Variants in CCSER1 observed in about 807,000 individuals in gnomAD.
The protein encoded by CCSER1 is serine-rich coiled-coil domain-containing protein 1.
In CCSER1, 41 loss-of-function variants were observed where a neutral mutation model predicts 82.0. That is an observed-to-expected ratio of 0.50 (90% CI 0.39 to 0.65). CCSER1 has a LOEUF of 0.65. CCSER1 is among the 30% of genes least tolerant of loss of function. The probability of loss-of-function intolerance (pLI) is 0.00; values close to 1 mark genes in which losing one functional copy is unlikely to be tolerated. For missense variants in CCSER1, 1,119 were observed against 1,064.2 expected (o/e 1.05, Z -0.72); for synonymous variants, 414 against 383.9 (o/e 1.08, Z -0.92).
intron 9 of CCSER1, among the ~76,000 whole-genome samples, chr4:91,039,200 C>T (rs545621571): frequency 8.1e-6 from 1 of 123,098 alleles, no homozygotes; most frequent in East Asian, 3.2e-4. Context: ...CTTTTTCTTT[C>T]TTTCTTTCTT....
intron 10 of CCSER1, among the ~76,000 whole-genome samples, chr4:91,289,656 A>G (rs1204611942): frequency 1.3e-5 from 2 of 151,788 alleles, no homozygotes; most frequent in African/African-American, 4.9e-5. Flanking sequence ...AAATTGCCCA[A>G]CTGAAACACA....
At chr4:90,352,323 CA>C (rs1743610337) in intron 3 of CCSER1, among the ~76,000 whole-genome samples, 1 of 150,322 alleles carries the variant, frequency 6.7e-6, no homozygotes, top group Non-Finnish European at 1.5e-5. Context: ...GACTCTGTCT[CA>C]AAAAAATCAA....
intron 6 of CCSER1, among the ~76,000 whole-genome samples, chr4:90,690,424 G>T (rs1735611883): frequency 1.3e-5 from 2 of 152,018 alleles, no homozygotes; most frequent in Non-Finnish European, 2.9e-5. Context: ...TTAGAGAAAG[G>T]TTTCTCTTAC....
chr4:91,324,634 T>C (rs1341758045), intron 10 of CCSER1, among the ~76,000 whole-genome samples: 1 of 152,174 alleles, frequency 6.6e-6, no homozygotes, highest in Non-Finnish European at 1.5e-5. Context: ...AGTGATGTCT[T>C]TGGCTCTGAG....
chr4:91,576,175 TTATC>T (rs1179548708), intron 10 of CCSER1, among the ~76,000 whole-genome samples: 2 of 151,986 alleles, frequency 1.3e-5, no homozygotes, highest in Non-Finnish European at 2.9e-5. Context: ...TATCTGTCAA[TTATC>T]TATGTCTAAA....
At chr4:91,404,826 A>G (rs1752587088) in intron 10 of CCSER1, among the ~76,000 whole-genome samples, 1 of 152,136 alleles carries the variant, frequency 6.6e-6, no homozygotes, top group African/African-American at 2.4e-5. Flanking sequence ...TATGTGGTCA[A>G]TTTTGGAATA....
intron 8 of CCSER1, among the ~76,000 whole-genome samples, chr4:90,917,057 A>G (rs1456164607): frequency 3.3e-5 from 5 of 152,168 alleles, no homozygotes; most frequent in Non-Finnish European, 7.4e-5. Flanking sequence ...ACACTTTTAC[A>G]CTGTTGGTGG....
At chr4:90,333,149 A>G (rs1045953643) in intron 3 of CCSER1, among the ~76,000 whole-genome samples, 2 of 152,156 alleles carry the variant, frequency 1.3e-5, no homozygotes, top group Non-Finnish European at 2.9e-5. Flanking sequence ...GGGGTGCAAA[A>G]TGTCAATTTA....
intron 10 of CCSER1, among the ~76,000 whole-genome samples, chr4:91,412,680 T>C (rs937775029): frequency 6.6e-6 from 1 of 152,058 alleles, no homozygotes; most frequent in Admixed American, 6.6e-5. Flanking sequence ...CAATTATCTT[T>C]TAAGCAACTT....
intron 7 of CCSER1, among the ~76,000 whole-genome samples, chr4:90,766,771 C>T (rs886266180): frequency 6.6e-6 from 1 of 152,002 alleles, no homozygotes. Context: ...TCTCTATATT[C>T]ACACATTTTG....
intron 10 of CCSER1, among the ~76,000 whole-genome samples, chr4:91,531,642 A>G (rs1761035153): frequency 6.6e-6 from 1 of 152,306 alleles, no homozygotes; most frequent in South Asian, 2.1e-4. Flanking sequence ...AGTAGAATTC[A>G]TTGCTCACAG....
intron 9 of CCSER1, among the ~76,000 whole-genome samples, chr4:91,052,652 A>G (rs916007094): frequency 6.6e-6 from 1 of 152,154 alleles, no homozygotes; most frequent in Non-Finnish European, 1.5e-5. Context: ...ACTGTTTCAC[A>G]TAAACCTGTA....
chr4:91,346,040 T>C (rs568358037), intron 10 of CCSER1, among the ~76,000 whole-genome samples: 1 of 152,190 alleles, frequency 6.6e-6, no homozygotes, highest in Non-Finnish European at 1.5e-5. Context: ...GCTCTTTTTT[T>C]TTTTAAGACA....
chr4:91,588,312 A>T (rs1173495196), intron 10 of CCSER1, among the ~76,000 whole-genome samples: 1 of 151,520 alleles, frequency 6.6e-6, no homozygotes, highest in Non-Finnish European at 1.5e-5. Context: ...ACACTCATAA[A>T]CTCATCCTAA....
At chr4:90,548,727 G>GATATATATATATAT (rs60880201) in intron 5 of CCSER1, among the ~76,000 whole-genome samples, 2 of 143,612 alleles carry the variant, frequency 1.4e-5, no homozygotes, top group African/African-American at 5.1e-5. Context: ...ATCATTTAAA[G>GATATATATATATAT]ATATATATAT....
intron 7 of CCSER1, among the ~76,000 whole-genome samples, chr4:90,794,010 G>A (rs1755637077): frequency 6.6e-6 from 1 of 152,104 alleles, no homozygotes; most frequent in Non-Finnish European, 1.5e-5. Context: ...TTTTAATGGG[G>A]TTGTTTTTGT....
At chr4:90,636,891 A>T (rs1725509730) in intron 6 of CCSER1, among the ~76,000 whole-genome samples, 1 of 152,194 alleles carries the variant, frequency 6.6e-6, no homozygotes, top group South Asian at 2.1e-4. Flanking sequence ...AACTGCATGT[A>T]TGAGCAGATA....
At chr4:91,069,873 A>G (rs564819914) in intron 9 of CCSER1, among the ~76,000 whole-genome samples, 104 of 152,312 alleles carry the variant, frequency 6.8e-4, no homozygotes, top group Middle Eastern at 3.4e-3. Context: ...TCAGAAACCC[A>G]TTGAATGCCA....
chr4:91,579,491 C>A (rs1213917437), intron 10 of CCSER1, among the ~76,000 whole-genome samples: 1 of 151,696 alleles, frequency 6.6e-6, no homozygotes, highest in Non-Finnish European at 1.5e-5. Flanking sequence ...AATTTAACTG[C>A]AACATTGTGA....
Sources: gnomAD v4.1 joint callset for allele counts (sites outside exome capture counted in the v4.1 genomes callset) on GRCh38, gnomAD v4.1.1 for gene constraint, MANE v1.5 for transcripts, NCBI Gene and HGNC (gene_info 2026-07-23, HGNC 2026-07-21) for gene names.